Variants in FRY observed in about 807,000 individuals in gnomAD.
FRY encodes protein furry homolog.
FRY carries 128 observed loss-of-function variants against 348.4 expected under a neutral mutation model. The ratio of observed to expected loss-of-function variants is 0.37; its 90% CI spans 0.32 to 0.43. The LOEUF is 0.43. FRY is among the 20% of genes least tolerant of loss of function. The pLI, the probability that FRY is intolerant of heterozygous loss-of-function variation, is 1.00. For missense variants in FRY, 2,736 were observed against 3,695.2 expected, an observed-to-expected ratio of 0.74 and a Z score of 6.73; for synonymous variants, 1,370 against 1,374.7, an observed-to-expected ratio of 1.00 and a Z score of 0.08.
chr13:32,294,698 G>A (rs1889545649), intron 60 of FRY, 128 bp downstream of exon 60: 3 of 746,806 alleles, frequency 4.0e-6, no homozygotes, highest in Non-Finnish European at 4.7e-6. Flanking sequence ...GATCTTTACT[G>A]CTGCCAAACC....
intron 7 of FRY, among the ~76,000 whole-genome samples, chr13:32,127,543 C>T (rs1200230124): frequency 6.6e-6 from 1 of 152,040 alleles, no homozygotes; most frequent in African/African-American, 2.4e-5. Flanking sequence ...TTTGGGAGGC[C>T]AAGGTGGGCG....
chr13:32,210,738 CA>C, intron 33 of FRY, 127 bp from the exon 34 acceptor site: 1 of 767,134 alleles, frequency 1.3e-6, no homozygotes, highest in Non-Finnish European at 2.2e-6. Flanking sequence ...TAGGATAGCA[CA>C]AAGATTAGCT....
In FRY at chr13:32,295,733, G is replaced by A. The variant is rs2072050853; in HGVS notation, c.*273G>A. ...GACCGAGCATATGCAACTCGCTACT[G>A]AAGAAGTGACTTCCGTTGCATACCA... On this transcript the variant is annotated 3_prime_UTR_variant, in exon 61 of 61. Coordinates refer to ENST00000542859, the MANE Select transcript of FRY (RefSeq NM_023037.3). 1.9e-6 allele frequency: 1 copy of A among 537,140 alleles called. No homozygotes were observed. The highest frequency in any genetic ancestry group is 2.2e-5 in the South Asian group (1 of 44,878). The allele number at this position is 537,140 out of a possible 1,614,324, so 33.3% of individuals were successfully genotyped here. A position where few individuals can be genotyped will look rare whatever the true frequency, so the allele number is the denominator to read the frequency against.
At chr13:32,223,281 G>C (rs576031743) in intron 36 of FRY, among the ~76,000 whole-genome samples, 1 of 152,228 alleles carries the variant, frequency 6.6e-6, no homozygotes, top group Admixed American at 6.5e-5. Flanking sequence ...ATTGAGATGA[G>C]GAAGACTGGA....
chr13:32,033,237 T>A lies in FRY; in HGVS notation c.70+1372T>A, dbSNP rs115748468. On this transcript the variant is annotated intron_variant, in intron 1 of 60. Coordinates refer to ENST00000542859, the MANE Select transcript of FRY (RefSeq NM_023037.3). ...TTTTATAATACTTTACACTCAAGGA[T>A]GAATCTTCCTTTGTCTATCTGCTCT... is the stretch of plus-strand genomic sequence containing the variant. Among the ~76,000 whole-genome samples, 511 of 152,346 alleles carry A rather than the reference T, an allele frequency of 3.4e-3. 1 individual carries two copies. The highest frequency in any genetic ancestry group is 0.011 in the African/African-American group (472 of 41,576).
At chr13:32,282,004 C>T (rs1888832792) in intron 58 of FRY, among the ~76,000 whole-genome samples, 1 of 152,118 alleles carries the variant, frequency 6.6e-6, no homozygotes, top group African/African-American at 2.4e-5. Flanking sequence ...GGTTAACACT[C>T]GACAAGGCCG....
At chr13:32,217,846 G>GTTTTGT (rs1451141696) in intron 35 of FRY, among the ~76,000 whole-genome samples, 1 of 152,098 alleles carries the variant, frequency 6.6e-6, no homozygotes, top group African/African-American at 2.4e-5. Context: ...TGTTGTTGTT[G>GTTTTGT]TTTTGTTTTT....
chr13:32,065,421 T>C (rs1170240954), intron 1 of FRY, among the ~76,000 whole-genome samples: 1 of 151,850 alleles, frequency 6.6e-6, no homozygotes, highest in Non-Finnish European at 1.5e-5. Flanking sequence ...TTCTCATGCC[T>C]CAGCCTCCTG....
chr13:32,164,670 GC>G (rs1881632816), intron 17 of FRY, among the ~76,000 whole-genome samples: 1 of 152,138 alleles, frequency 6.6e-6, no homozygotes, highest in Non-Finnish European at 1.5e-5. Context: ...AGCTTCACAG[GC>G]CCTCCTGACA....
intron 59 of FRY, among the ~76,000 whole-genome samples, chr13:32,291,804 T>C (rs1178182156): frequency 6.6e-6 from 1 of 152,180 alleles, no homozygotes; most frequent in African/African-American, 2.4e-5. Flanking sequence ...TGGACGACTT[T>C]GAGAGGCTCA....
chr13:32,286,522 C>T (rs1017237640), intron 58 of FRY, among the ~76,000 whole-genome samples: 8 of 151,678 alleles, frequency 5.3e-5, no homozygotes, highest in Admixed American at 4.6e-4. Context: ...CCGAGGCAGG[C>T]GGATCACAAG....
At chr13:32,194,456 A>G (rs906292160) in intron 29 of FRY, among the ~76,000 whole-genome samples, 159 bp downstream of exon 29, 1 of 152,256 alleles carries the variant, frequency 6.6e-6, no homozygotes, top group African/African-American at 2.4e-5. Context: ...TACTCCCTGT[A>G]AGGTTGCAGT....
In FRY at chr13:32,295,770, A is replaced by C; in HGVS notation, c.*310A>C. Reference sequence around the variant, plus strand: ...TCCGTTGCATACCAAAGCCGACTACACTGAACAGTACCTTCCTTTCTAGAA... The same window carrying C: ...TCCGTTGCATACCAAAGCCGACTACCCTGAACAGTACCTTCCTTTCTAGAA... On this transcript the variant is annotated 3_prime_UTR_variant, in exon 61 of 61. Coordinates refer to ENST00000542859, the MANE Select transcript of FRY (RefSeq NM_023037.3). The C allele has an allele frequency of 2.4e-6, 1 of 418,606 alleles. No homozygotes were observed. 25.9% of individuals were successfully genotyped at this position (418,606 alleles called of 1,614,324 possible). A position where few individuals can be genotyped will look rare whatever the true frequency, so the allele number is the denominator to read the frequency against.
chr13:32,230,750 G>A (rs917467510), intron 40 of FRY, among the ~76,000 whole-genome samples: 2 of 152,160 alleles, frequency 1.3e-5, no homozygotes, highest in Non-Finnish European at 2.9e-5. Flanking sequence ...TTCCACAATG[G>A]TTGAACTAAT....
intron 1 of FRY, among the ~76,000 whole-genome samples, chr13:32,051,289 G>A (rs1295065335): frequency 1.3e-5 from 2 of 152,138 alleles, no homozygotes; most frequent in South Asian, 2.1e-4. Flanking sequence ...GCAGGATTGA[G>A]GGAAAAGACA....
At chr13:32,140,605 A>C (rs1012477763) in intron 11 of FRY, among the ~76,000 whole-genome samples, 3 of 152,166 alleles carry the variant, frequency 2.0e-5, no homozygotes, top group East Asian at 1.9e-4. Context: ...AGAAAAAAAA[A>C]CAGATAATGA....
chr13:32,122,353 T>G (rs1004094570), intron 4 of FRY, among the ~76,000 whole-genome samples: 5 of 150,266 alleles, frequency 3.3e-5, no homozygotes, highest in African/African-American at 9.8e-5. Context: ...TGAGGCGGGA[T>G]AATGGTGTGA....
chr13:32,151,480 A>G (rs1326955236), intron 14 of FRY, among the ~76,000 whole-genome samples: 1 of 152,272 alleles, frequency 6.6e-6, no homozygotes, highest in Non-Finnish European at 1.5e-5. Context: ...CAGATGTCAT[A>G]CACTTGATGA....
chr13:32,250,791 C>T (rs1363187800), intron 49 of FRY, among the ~76,000 whole-genome samples: 2 of 152,202 alleles, frequency 1.3e-5, no homozygotes, highest in Admixed American at 6.5e-5. Flanking sequence ...GTGCCGGCTG[C>T]AACAGAGCAG....
Sources: gnomAD v4.1 joint callset for allele counts (sites outside exome capture counted in the v4.1 genomes callset) on GRCh38, gnomAD v4.1.1 for gene constraint, MANE v1.5 for transcripts, NCBI Gene and HGNC (gene_info 2026-07-23, HGNC 2026-07-21) for gene names.